ASAP3: variants seen among roughly 807,000 people sequenced by gnomAD.
ASAP3 encodes arf-GAP with SH3 domain, ANK repeat and PH domain-containing protein 3.
A neutral mutation model predicts 118.2 loss-of-function variants in ASAP3; 85 were observed. The observed-to-expected ratio is 0.72, with a 90% confidence interval of 0.60 to 0.86. The LOEUF (loss-of-function observed/expected upper bound fraction) is 0.86. Among genes scored for constraint, ASAP3 ranks in the 40% least tolerant of loss-of-function variants. The probability of loss-of-function intolerance (pLI) is 0.00; values close to 1 mark genes in which losing one functional copy is unlikely to be tolerated. For synonymous variants in ASAP3, 432 were observed against 477.4 expected (o/e 0.90, Z 1.24); for missense variants, 1,026 against 1,175.0 (o/e 0.87, Z 1.85).
intron 5 of ASAP3, among the ~76,000 whole-genome samples, chr1:23,445,247 T>A (rs1558135545): frequency 6.6e-6 from 1 of 152,260 alleles, no homozygotes; most frequent in East Asian, 1.9e-4. Flanking sequence ...CCCAGCACTT[T>A]GTGAGGCCAA....
intron 1 of ASAP3, among the ~76,000 whole-genome samples, chr1:23,478,498 T>C (rs1360771256): frequency 1.3e-5 from 2 of 151,162 alleles, no homozygotes; most frequent in Non-Finnish European, 2.9e-5. Context: ...CAGTGGCTCA[T>C]GCCTGTAATG....
chr1:23,432,264 C>T (rs1303496599), intron 22 of ASAP3, among the ~76,000 whole-genome samples: 4 of 152,186 alleles, frequency 2.6e-5, no homozygotes, highest in Non-Finnish European at 5.9e-5. Flanking sequence ...GCTTCGGCCT[C>T]CCAAAGTGCA....
chr1:23,474,653 G>A (rs186173547), intron 1 of ASAP3, among the ~76,000 whole-genome samples: 123 of 151,830 alleles, frequency 8.1e-4, no homozygotes, highest in Middle Eastern at 3.4e-3. Context: ...GCGCAATCTC[G>A]GCTCACTGCA....
chr1:23,434,712 C>T (rs1412068812), intron 17 of ASAP3, 94 bp from the exon 18 acceptor site: 1 of 1,243,088 alleles, frequency 8.0e-7, no homozygotes, highest in Non-Finnish European at 1.1e-6. Flanking sequence ...CCCCTTATCC[C>T]CCCATAGGAA....
chr1:23,434,534 C>G lies in ASAP3; in HGVS notation c.1834G>C (p.Gly612Arg). The part of the protein sequence containing the change: ...LPLVDFIIQN[G>R]GHLDAKAADG... ...ACAGACAGGCAGGGAGGCTCTCACC[C>G]GTTCTGGATGATGAAATCCACCAGA... Residue 612 changes from glycine to arginine, a missense_variant and splice_region_variant, in exon 18 of 25, where the codon GGT becomes CGT. Coordinates refer to ENST00000336689, the MANE Select transcript of ASAP3 (RefSeq NM_017707.4). The G allele has an allele frequency of 6.2e-7, 1 of 1,613,988 alleles. No individual in the cohort carries two copies. The highest frequency in any genetic ancestry group is 8.5e-7 in the Non-Finnish European group (1 of 1,179,978).
rs921807371 is a variant in ASAP3 at position 23,454,406 on chromosome 1, G to A, written c.348+1475C>T. On this transcript the variant is annotated intron_variant, in intron 3 of 24. Transcript: ENST00000336689. The stretch of plus-strand genomic sequence containing the variant: ...TCACCATGTTGGCCAGGCTGGTCTC[G>A]AATCTCTGACCTCAAGTGATCCGCC... Among the ~76,000 whole-genome samples, 6 of 152,214 alleles carry A rather than the reference G, an allele frequency of 3.9e-5. No homozygotes were observed. The South Asian group carries it at 6.2e-4, about 16-fold the overall frequency.
chr1:23,438,607 T>G lies in ASAP3; in HGVS notation c.1102+140A>C. The stretch of plus-strand genomic sequence containing the variant: ...GTGGGTATCCTAGACCTAAGGATTC[T>G]TATGTCTGCAGTAGCAGCAATTCGA... On this transcript the variant is annotated intron_variant, in intron 12 of 24. Coordinates refer to ENST00000336689, the MANE Select transcript of ASAP3 (RefSeq NM_017707.4). This position sits in a 1 kb window ranked among gnomAD's most constrained non-coding sequence, Gnocchi z 4.9. The G allele has an allele frequency of 1.5e-6, 1 of 670,668 alleles. No individual in the cohort carries two copies. Among genetic ancestry groups the G allele is most frequent in the Non-Finnish European group, 2.6e-6 (1 of 388,900 alleles). 41.5% of individuals were successfully genotyped at this position (670,668 alleles called of 1,614,324 possible).
rs1251368241 is a variant in ASAP3 at position 23,477,809 on chromosome 1, G to C, written c.129+6196C>G. 3.3e-5 allele frequency among the ~76,000 whole-genome samples: 5 copies of C among 152,118 alleles called. No homozygotes were observed. In the East Asian group the frequency reaches 9.6e-4, roughly 29 times the overall value. ...GTTCACTGCAGCCTCAATCTCCTGG[G>C]CTCAAGTGATCCTCTCACCTCGGCC... is the stretch of plus-strand genomic sequence containing the variant. On this transcript the variant is annotated intron_variant, in intron 1 of 24. Coordinates refer to ENST00000336689, the MANE Select transcript of ASAP3 (RefSeq NM_017707.4).
chr1:23,451,878 T>C (rs915348700), intron 4 of ASAP3, among the ~76,000 whole-genome samples: 2 of 152,188 alleles, frequency 1.3e-5, no homozygotes, highest in Non-Finnish European at 2.9e-5. Flanking sequence ...ACCATGAGGA[T>C]GGGAGGATGA....
At chr1:23,482,821 G>C (rs972479950) in intron 1 of ASAP3, among the ~76,000 whole-genome samples, 6 of 151,958 alleles carry the variant, frequency 3.9e-5, no homozygotes, top group Non-Finnish European at 8.8e-5. Flanking sequence ...GCGTAGTGGC[G>C]GGAGCCTGTA....
Position 23,429,725 on chromosome 1 carries a change from C to T in ASAP3, c.*131G>A. 2 of 912,632 alleles carry T rather than the reference C, an allele frequency of 2.2e-6. No homozygotes were observed. Among genetic ancestry groups the T allele is most frequent in the Admixed American group, 5.4e-5 (2 of 37,056 alleles). 56.5% of individuals were successfully genotyped at this position (912,632 alleles called of 1,614,324 possible). A position where few individuals can be genotyped will look rare whatever the true frequency, so the allele number is the denominator to read the frequency against. On this transcript the variant is annotated 3_prime_UTR_variant, in exon 25 of 25. Coordinates refer to ENST00000336689, the MANE Select transcript of ASAP3 (RefSeq NM_017707.4). ...TGGCCTGTGGCAGGAAGAAGGCCAG[C>T]TACAGAGGCACAAGGGACAGAGAGA...
chr1:23,439,534 G>C (rs968849911), intron 10 of ASAP3, among the ~76,000 whole-genome samples: 1 of 152,100 alleles, frequency 6.6e-6, no homozygotes, highest in Non-Finnish European at 1.5e-5. Context: ...CAGTCTGATG[G>C]GGGAGACATA....
intron 22 of ASAP3, among the ~76,000 whole-genome samples, chr1:23,432,233 C>T (rs1200551409): frequency 6.6e-6 from 1 of 152,092 alleles, no homozygotes; most frequent in Non-Finnish European, 1.5e-5. Flanking sequence ...TCTCAAAATC[C>T]TTACCTGGGG....
In ASAP3 at chr1:23,461,165, A is replaced by G. The variant is rs576602398; in HGVS notation, c.130-4971T>C. On this transcript the variant is annotated intron_variant, in intron 1 of 24. Coordinates refer to ENST00000336689, the MANE Select transcript of ASAP3 (RefSeq NM_017707.4). ...ATTATACACTTGTCCAATCCCACAG[A>G]ATGTACAACACTAAGAGTGAACCCT... is the stretch of plus-strand genomic sequence containing the variant. Among the ~76,000 whole-genome samples, 16 of 152,328 alleles carry G rather than the reference A, an allele frequency of 1.1e-4. No homozygotes were observed. In the South Asian group the frequency reaches 3.3e-3, roughly 32 times the overall value.
intron 5 of ASAP3, among the ~76,000 whole-genome samples, chr1:23,444,847 G>GCTGC (rs1640996744): frequency 6.6e-6 from 1 of 152,096 alleles, no homozygotes; most frequent in African/African-American, 2.4e-5. Context: ...GTTATGGGGG[G>GCTGC]CTGCCTGGTG....
chr1:23,442,472 C>T, intron 6 of ASAP3, 29 bp downstream of exon 6: 2 of 1,607,260 alleles, frequency 1.2e-6, no homozygotes, highest in Non-Finnish European at 1.7e-6. Flanking sequence ...ATCCCACGCC[C>T]CCCCTCCCTC....
intron 1 of ASAP3, among the ~76,000 whole-genome samples, chr1:23,478,750 ACT>A (rs1361205732): frequency 6.6e-6 from 1 of 151,670 alleles, no homozygotes; most frequent in Non-Finnish European, 1.5e-5. Context: ...ACAGAGTGAG[ACT>A]CTGTCTCAAA....
chr1:23,469,351 A>G (rs934902874), intron 1 of ASAP3, among the ~76,000 whole-genome samples: 12 of 152,182 alleles, frequency 7.9e-5, no homozygotes, highest in Admixed American at 1.3e-4. Context: ...ACTCAAACCC[A>G]GGCAGTTGGG....
intron 5 of ASAP3, among the ~76,000 whole-genome samples, chr1:23,447,017 T>C (rs941700431): frequency 3.3e-5 from 5 of 152,186 alleles, no homozygotes; most frequent in South Asian, 2.1e-4. Flanking sequence ...ATCCCTGGCA[T>C]GTGAAGCTCA....
Sources: allele counts gnomAD v4.1 joint callset (sites outside exome capture counted in the v4.1 genomes callset), GRCh38; gene constraint gnomAD v4.1.1; non-coding constraint Gnocchi (gnomAD v3.1); transcripts MANE v1.5; gene names NCBI Gene and HGNC (gene_info 2026-07-23, HGNC 2026-07-21).